The following WDR41 variants were observed in gnomAD, a reference collection of about 807,000 sequenced individuals.
WDR41 encodes WD repeat-containing protein 41.
Under a neutral mutation model 69.3 loss-of-function variants are expected in WDR41, and 63 were observed. The observed-to-expected ratio is 0.91, with a 90% CI of 0.74 to 1.12. The LOEUF (loss-of-function observed/expected upper bound fraction) is 1.12. WDR41 is among the 50% of genes most tolerant of loss of function. WDR41 has a pLI of 0.00. For missense variants in WDR41, 543 were observed against 534.5 expected, an observed-to-expected ratio of 1.02 and a Z score of -0.16; for synonymous variants, 185 against 192.1, an observed-to-expected ratio of 0.96 and a Z score of 0.31.
chr5:77,492,244 C>T lies in WDR41; in HGVS notation c.-24G>A, dbSNP rs772661230. ...ATCCGGGCAGCGGCGGCGTCTTGCCCGGTCCAGCCCCAGTCAGCCCAAACT... is the reference window on the plus strand; with the variant it reads ...ATCCGGGCAGCGGCGGCGTCTTGCCTGGTCCAGCCCCAGTCAGCCCAAACT... On this transcript the variant is annotated 5_prime_UTR_variant, in exon 1 of 13. Transcript: ENST00000296679. 3.7e-6 allele frequency: 6 copies of T among 1,611,542 alleles called. No individual in the cohort carries two copies. The highest frequency in any genetic ancestry group is 1.3e-5 in the African/African-American group (1 of 74,808).
At chr5:77,451,159 A>C (rs1799612888) in intron 7 of WDR41, 132 bp downstream of exon 7, 3 of 754,586 alleles carry the variant, frequency 4.0e-6, no homozygotes, top group Admixed American at 5.4e-5. Flanking sequence ...TCTCTGTATC[A>C]CTTCAACAAT....
intron 1 of WDR41, among the ~76,000 whole-genome samples, chr5:77,596,303 A>G (rs1395698686): frequency 2.0e-5 from 3 of 151,820 alleles, no homozygotes; most frequent in Non-Finnish European, 2.9e-5. Flanking sequence ...GTGCACCACC[A>G]CCCCCAGCTA....
chr5:77,505,289 A>G (rs1200946249), intron 1 of WDR41, among the ~76,000 whole-genome samples: 1 of 152,192 alleles, frequency 6.6e-6, no homozygotes, highest in African/African-American at 2.4e-5. Context: ...TGCTACAAAG[A>G]GAGTAAAATA....
At chr5:77,498,010 T>C (rs1230038823) in intron 1 of WDR41, among the ~76,000 whole-genome samples, 1 of 152,216 alleles carries the variant, frequency 6.6e-6, no homozygotes, top group Non-Finnish European at 1.5e-5. Flanking sequence ...AAATATTGTA[T>C]GATTCCACTA....
At chr5:77,509,664 G>A (rs1337388981) in intron 1 of WDR41, among the ~76,000 whole-genome samples, 1 of 152,128 alleles carries the variant, frequency 6.6e-6, no homozygotes, top group Non-Finnish European at 1.5e-5. Context: ...GACAGAGAGT[G>A]GATTAGTGGT....
At chr5:77,511,488 T>C (rs985737835) in intron 1 of WDR41, among the ~76,000 whole-genome samples, 1 of 152,246 alleles carries the variant, frequency 6.6e-6, no homozygotes, top group African/African-American at 2.4e-5. Context: ...TATTCCATTG[T>C]CTGAATTAGC....
At chr5:77,545,945 C>T (rs1164966801) in intron 1 of WDR41, 2 of 494,918 alleles carry the variant, frequency 4.0e-6, no homozygotes, top group Non-Finnish European at 7.1e-6. Flanking sequence ...AGGTGACAGG[C>T]CGCTGTGGCT....
intron 1 of WDR41, among the ~76,000 whole-genome samples, chr5:77,578,864 C>CAAAAAAAAAAAAAAAAAAAAAAAA (rs55920763): frequency 2.6e-5 from 2 of 77,202 alleles, no homozygotes; most frequent in Non-Finnish European, 5.2e-5. Context: ...AACTCCATCT[C>CAAAAAAAAAAAAAAAAAAAAAAAA]AAAAAAAAAA....
intron 1 of WDR41, among the ~76,000 whole-genome samples, chr5:77,558,063 T>G (rs529017034): frequency 1.2e-5 from 1 of 84,850 alleles, no homozygotes; most frequent in African/African-American, 4.4e-5. Context: ...AGGGAAGAAA[T>G]GAACACATAG....
At chr5:77,591,633 A>C (rs908304726) in intron 1 of WDR41, among the ~76,000 whole-genome samples, 1 of 152,008 alleles carries the variant, frequency 6.6e-6, no homozygotes, top group African/African-American at 2.4e-5. Context: ...TCTAATTTCC[A>C]ATTTGATTTC....
At chr5:77,562,241 T>C (rs1743541035) in intron 1 of WDR41, among the ~76,000 whole-genome samples, 1 of 152,166 alleles carries the variant, frequency 6.6e-6, no homozygotes, top group Non-Finnish European at 1.5e-5. Context: ...AGAGGGGCCC[T>C]GTAAATGTCT....
chr5:77,479,494 AAC>A (rs903456373), intron 2 of WDR41, among the ~76,000 whole-genome samples: 41 of 152,274 alleles, frequency 2.7e-4, no homozygotes, highest in Admixed American at 1.6e-3. Flanking sequence ...AATGGAAAAG[AAC>A]AGAGCCCTCA....
intron 2 of WDR41, among the ~76,000 whole-genome samples, chr5:77,486,542 A>G (rs1378600732): frequency 6.6e-6 from 1 of 152,212 alleles, no homozygotes; most frequent in African/African-American, 2.4e-5. Context: ...TTGGCTGACG[A>G]AACAGCAGCA....
chr5:77,598,297 C>A (rs937138596), intron 1 of WDR41, among the ~76,000 whole-genome samples: 3 of 152,156 alleles, frequency 2.0e-5, no homozygotes, highest in Non-Finnish European at 4.4e-5. Context: ...TTGGCCTGAG[C>A]CTAAACAATC....
intron 1 of WDR41, among the ~76,000 whole-genome samples, chr5:77,558,243 T>C (rs1005868926): frequency 6.6e-6 from 1 of 152,186 alleles, no homozygotes; most frequent in Non-Finnish European, 1.5e-5. Flanking sequence ...TGAATTCTCT[T>C]TCTGTTTAGG....
intron 1 of WDR41, chr5:77,499,540 G>T (rs116102974): frequency 1.2e-3 from 190 of 152,266 alleles, no homozygotes; most frequent in African/African-American, 4.4e-3. Context: ...CTCTCCATTC[G>T]GTAGAGCTCA....
At chr5:77,564,645 T>C (rs1235518094) in intron 1 of WDR41, among the ~76,000 whole-genome samples, 1 of 152,104 alleles carries the variant, frequency 6.6e-6, no homozygotes, top group East Asian at 1.9e-4. Flanking sequence ...ACACTCATCT[T>C]TTATCTCTCT....
At chr5:77,587,691 T>G (rs1454649212) in intron 1 of WDR41, among the ~76,000 whole-genome samples, 1 of 152,202 alleles carries the variant, frequency 6.6e-6, no homozygotes, top group East Asian at 1.9e-4. Flanking sequence ...GTGATTGTAT[T>G]TGGAGACAGG....
intron 1 of WDR41, among the ~76,000 whole-genome samples, chr5:77,528,918 C>G (rs898837211): frequency 6.6e-6 from 1 of 151,446 alleles, no homozygotes; most frequent in Non-Finnish European, 1.5e-5. Context: ...TATTTAAAAA[C>G]CTATAGCATT....
Sources: gnomAD v4.1 joint callset for allele counts (sites outside exome capture counted in the v4.1 genomes callset) on GRCh38, gnomAD v4.1.1 for gene constraint, MANE v1.5 for transcripts, NCBI Gene and HGNC (gene_info 2026-07-23, HGNC 2026-07-21) for gene names.